Variants in ARHGAP15 observed in about 807,000 individuals in gnomAD.
The protein encoded by ARHGAP15 is rho GTPase-activating protein 15.
In ARHGAP15, 51 loss-of-function variants were observed where a neutral mutation model predicts 63.7. That is an observed-to-expected ratio of 0.80 (90% CI 0.64 to 1.01). ARHGAP15 has a LOEUF of 1.01. Ranked by LOEUF, ARHGAP15 falls within the 50% of genes least tolerant of loss-of-function variation. The probability of loss-of-function intolerance (pLI) is 0.00; values close to 1 mark genes in which losing one functional copy is unlikely to be tolerated. For missense variants in ARHGAP15, 560 were observed against 564.6 expected, an observed-to-expected ratio of 0.99 and a Z score of 0.08; for synonymous variants, 191 against 193.8, an observed-to-expected ratio of 0.99 and a Z score of 0.12.
At chr2:143,748,678 TTAAGG>T (rs1444885318) in intron 13 of ARHGAP15, among the ~76,000 whole-genome samples, 1 of 152,182 alleles carries the variant, frequency 6.6e-6, no homozygotes, top group African/African-American at 2.4e-5. Context: ...TTTGGCATAG[TTAAGG>T]TAAAGTGTAT....
intron 4 of ARHGAP15, among the ~76,000 whole-genome samples, chr2:143,222,429 A>G (rs1693038127): frequency 6.6e-6 from 1 of 152,252 alleles, no homozygotes. Context: ...CATTACCTAA[A>G]GAAGGCAAAA....
At chr2:143,435,812 G>A in intron 7 of ARHGAP15, 113 bp downstream of exon 7, 4 of 1,058,580 alleles carry the variant, frequency 3.8e-6, no homozygotes, top group South Asian at 1.8e-5. Flanking sequence ...GGACTGAGAG[G>A]GATTAAGTTC....
intron 5 of ARHGAP15, chr2:143,237,147 T>C (rs1259312307): frequency 1.3e-5 from 2 of 152,100 alleles, no homozygotes; most frequent in Admixed American, 6.6e-5. Context: ...CAGAGACATG[T>C]TTAGGGAACT....
intron 6 of ARHGAP15, among the ~76,000 whole-genome samples, chr2:143,331,617 A>G (rs1270264015): frequency 6.6e-6 from 1 of 152,206 alleles, no homozygotes; most frequent in Non-Finnish European, 1.5e-5. Flanking sequence ...CAAGGATTAT[A>G]TAGACACATC....
At chr2:143,130,100 TA>T (rs1688860952) in intron 1 of ARHGAP15, among the ~76,000 whole-genome samples, 1 of 152,116 alleles carries the variant, frequency 6.6e-6, no homozygotes, top group African/African-American at 2.4e-5. Flanking sequence ...CTTTTATATT[TA>T]AAAAAGAAGT....
chr2:143,753,409 G>A (rs201254047), intron 13 of ARHGAP15, among the ~76,000 whole-genome samples: 2 of 152,116 alleles, frequency 1.3e-5, no homozygotes, highest in South Asian at 4.1e-4. Flanking sequence ...TTAATATAAT[G>A]CTTGATAGTG....
At chr2:143,292,414 C>A (rs1682446336) in intron 6 of ARHGAP15, among the ~76,000 whole-genome samples, 1 of 151,804 alleles carries the variant, frequency 6.6e-6, no homozygotes, top group Non-Finnish European at 1.5e-5. Context: ...GGTATGCCAC[C>A]CCTAATATTC....
At chr2:143,747,428 G>A (rs2105519382) in intron 13 of ARHGAP15, among the ~76,000 whole-genome samples, 1 of 152,228 alleles carries the variant, frequency 6.6e-6, no homozygotes, top group Admixed American at 6.5e-5. Flanking sequence ...TCTTTACACT[G>A]TACATTCTAT....
chr2:143,539,699 T>C (rs1409735314), intron 10 of ARHGAP15, among the ~76,000 whole-genome samples: 1 of 152,068 alleles, frequency 6.6e-6, no homozygotes, highest in Non-Finnish European at 1.5e-5. Context: ...TTTGAGTGAG[T>C]TTCTTAATCC....
chr2:143,721,081 T>A (rs1433624832), intron 13 of ARHGAP15, among the ~76,000 whole-genome samples: 293 of 53,592 alleles, frequency 5.5e-3, no homozygotes, highest in Middle Eastern at 0.029. Context: ...AAAAAAAAAA[T>A]GCAGATTCTG....
intron 13 of ARHGAP15, among the ~76,000 whole-genome samples, chr2:143,714,377 C>A (rs1684716771): frequency 6.6e-6 from 1 of 152,222 alleles, no homozygotes; most frequent in South Asian, 2.1e-4. Flanking sequence ...GCCCATGAAA[C>A]CACTGTTTCC....
intron 13 of ARHGAP15, among the ~76,000 whole-genome samples, chr2:143,743,304 G>C (rs1443519237): frequency 6.6e-6 from 1 of 152,164 alleles, no homozygotes; most frequent in Non-Finnish European, 1.5e-5. Context: ...ATGCACTTCA[G>C]TAGAACAAGG....
At position 143,732,388 on chromosome 2, in the gene ARHGAP15, A is replaced by G. The variant is rs182573036; in HGVS notation, c.1244+28864A>G. On this transcript the variant is annotated intron_variant, in intron 13 of 13. Transcript: ENST00000295095. Reference sequence around the variant, plus strand: ...CTTTATTGTCTTAGTCATTTTAAGTATATTTTAACTTTTTTATATTGAATG... The same window carrying G: ...CTTTATTGTCTTAGTCATTTTAAGTGTATTTTAACTTTTTTATATTGAATG... Among the ~76,000 whole-genome samples, 314 of 152,324 alleles carry G rather than the reference A, an allele frequency of 2.1e-3. 1 individual carries two copies. Among genetic ancestry groups the G allele is most frequent in the African/African-American group, 7.2e-3 (298 of 41,572 alleles).
intron 6 of ARHGAP15, among the ~76,000 whole-genome samples, chr2:143,386,992 A>T (rs1206726814): frequency 6.6e-6 from 1 of 152,082 alleles, no homozygotes; most frequent in Non-Finnish European, 1.5e-5. Context: ...ACAGACACTG[A>T]GGCCTACTTG....
chr2:143,612,733 T>A (rs1698305258), intron 11 of ARHGAP15, among the ~76,000 whole-genome samples: 1 of 152,176 alleles, frequency 6.6e-6, no homozygotes, highest in African/African-American at 2.4e-5. Context: ...ACTAGCAGAA[T>A]GATTGAGGTT....
intron 11 of ARHGAP15, among the ~76,000 whole-genome samples, chr2:143,592,407 G>C (rs1559069080): frequency 6.6e-6 from 1 of 152,178 alleles, no homozygotes; most frequent in Admixed American, 6.5e-5. Flanking sequence ...GTGTCGTTCT[G>C]TAAGAAACCT....
chr2:143,545,394 A>G (rs893170578), intron 10 of ARHGAP15, among the ~76,000 whole-genome samples: 2 of 152,202 alleles, frequency 1.3e-5, no homozygotes, highest in Admixed American at 6.5e-5. Context: ...AAATCTTTCA[A>G]TTAATCACTT....
At chr2:143,745,238 A>AT (rs1686117781) in intron 13 of ARHGAP15, among the ~76,000 whole-genome samples, 1 of 152,238 alleles carries the variant, frequency 6.6e-6, no homozygotes, top group South Asian at 2.1e-4. Context: ...TGAATGGCAC[A>AT]TTCCTGGCAT....
intron 13 of ARHGAP15, among the ~76,000 whole-genome samples, chr2:143,732,908 G>GA (rs1167055664): frequency 7.7e-6 from 1 of 129,330 alleles, no homozygotes; most frequent in Non-Finnish European, 1.6e-5. Flanking sequence ...TTTTGTTTTT[G>GA]GGTTTTTTTT....
Sources: allele counts gnomAD v4.1 joint callset (sites outside exome capture counted in the v4.1 genomes callset), GRCh38; gene constraint gnomAD v4.1.1; transcripts MANE v1.5; gene names NCBI Gene and HGNC (gene_info 2026-07-23, HGNC 2026-07-21).